The following ZRSR2 variants were observed in gnomAD, a reference collection of about 807,000 sequenced individuals.
ZRSR2 encodes U2 small nuclear ribonucleoprotein auxiliary factor 35 kDa subunit-related protein 2.
A neutral mutation model predicts 39.4 loss-of-function variants in ZRSR2; 3 were observed. The ratio of observed to expected loss-of-function variants is 0.08; its 90% confidence interval spans 0.03 to 0.20. ZRSR2 has a LOEUF of 0.20. ZRSR2 is among the 10% of genes least tolerant of loss of function. The probability of loss-of-function intolerance (pLI) is 1.00; values close to 1 mark genes in which losing one functional copy is unlikely to be tolerated. For synonymous variants in ZRSR2, 137 were observed against 136.0 expected (o/e 1.01, Z -0.05); for missense variants, 256 against 391.5 (o/e 0.65, Z 2.92).
intron 6 of ZRSR2, among the ~76,000 whole-genome samples, chrX:15,808,624 CTT>C (rs776535835): frequency 4.2e-5 from 4 of 94,880 alleles, no homozygotes; most frequent in Admixed American, 1.1e-4. Flanking sequence ...CTCTTTTTTT[CTT>C]TTTTTTTTTT....
chrX:15,798,092 T>TC (rs1240495465), intron 2 of ZRSR2, among the ~76,000 whole-genome samples: 1 of 112,678 alleles, frequency 8.9e-6, no homozygotes, highest in Non-Finnish European at 1.9e-5. Flanking sequence ...CCATTTTAAT[T>TC]CCAGCTGCTG....
At chrX:15,790,659 T>C in intron 1 of ZRSR2, 123 bp downstream of exon 1, 1 of 978,245 alleles carries the variant, frequency 1.0e-6, no homozygotes, top group Non-Finnish European at 1.4e-6. Context: ...CTCCATTCCT[T>C]CCTGGTGCGC....
At chrX:15,818,199 T>G (rs774617434) in intron 8 of ZRSR2, among the ~76,000 whole-genome samples, 1 of 112,610 alleles carries the variant, frequency 8.9e-6, no homozygotes, top group Non-Finnish European at 1.9e-5. Flanking sequence ...TTCACCTATG[T>G]GATGGAGGAG....
At chrX:15,816,440 T>A (rs887726556) in intron 8 of ZRSR2, among the ~76,000 whole-genome samples, 1 of 112,250 alleles carries the variant, frequency 8.9e-6, no homozygotes, top group African/African-American at 3.2e-5. Flanking sequence ...TTTTTTACAC[T>A]GTTTTTATTC....
At chrX:15,815,615 T>A (rs1188548401) in intron 7 of ZRSR2, 62 bp from the exon 8 acceptor site, 2 of 1,010,009 alleles carry the variant, frequency 2.0e-6, no homozygotes, top group African/African-American at 3.8e-5. Flanking sequence ...TCTAAAGCAG[T>A]TGTTTTGTGA....
At chrX:15,807,137 A>G (rs1932798153) in intron 5 of ZRSR2, among the ~76,000 whole-genome samples, 2 of 112,111 alleles carry the variant, frequency 1.8e-5, no homozygotes, top group African/African-American at 6.5e-5. Context: ...AATTAGGTAG[A>G]AATTTACTGG....
At chrX:15,816,216 A>T (rs1258667009) in intron 8 of ZRSR2, among the ~76,000 whole-genome samples, 1 of 112,075 alleles carries the variant, frequency 8.9e-6, no homozygotes, top group Non-Finnish European at 1.9e-5. Context: ...ATAGCCATCC[A>T]GTCCTTCACT....
chrX:15,791,433 TTA>T (rs1190263867), intron 2 of ZRSR2, among the ~76,000 whole-genome samples: 1 of 111,557 alleles, frequency 9.0e-6, no homozygotes, highest in Non-Finnish European at 1.9e-5. Context: ...ACCCAAATTA[TTA>T]TGTTATTCAA....
intron 7 of ZRSR2, among the ~76,000 whole-genome samples, chrX:15,814,732 G>T (rs1301091582): frequency 9.0e-6 from 1 of 111,654 alleles, no homozygotes; most frequent in Non-Finnish European, 1.9e-5. Flanking sequence ...TGACTGACTT[G>T]GGCAAGTGTG....
At chrX:15,809,143 C>T in intron 6 of ZRSR2, 57 bp from the exon 7 acceptor site, 1 of 806,484 alleles carries the variant, frequency 1.2e-6, no homozygotes, top group South Asian at 2.1e-5. Flanking sequence ...TACTTTGAAA[C>T]ATTTCGTCTT....
intron 1 of ZRSR2, 105 bp downstream of exon 1, chrX:15,790,641 C>T: frequency 3.8e-6 from 4 of 1,040,310 alleles, no homozygotes; most frequent in Middle Eastern, 2.6e-4. Flanking sequence ...AGTGAGCCAC[C>T]GCGGCAGCTC....
At chrX:15,794,137 G>A (rs754541163) in intron 2 of ZRSR2, among the ~76,000 whole-genome samples, 1 of 111,948 alleles carries the variant, frequency 8.9e-6, no homozygotes, top group East Asian at 2.8e-4. Flanking sequence ...TGAAATGCTT[G>A]CGTTGTATTT....
chrX:15,797,310 A>G, intron 2 of ZRSR2, among the ~76,000 whole-genome samples: 1 of 105,708 alleles, frequency 9.5e-6, no homozygotes, highest in African/African-American at 3.5e-5. Flanking sequence ...TCCCGGGTTC[A>G]AGCAATTCTC....
At chrX:15,804,364 C>A (rs748197562) in intron 5 of ZRSR2, 167 bp downstream of exon 5, 1 of 485,585 alleles carries the variant, frequency 2.1e-6, no homozygotes, top group East Asian at 1.9e-4. Flanking sequence ...TGATGCTCTT[C>A]TTCGGGTCCG....
intron 2 of ZRSR2, 98 bp from the exon 3 acceptor site, chrX:15,799,774 C>T: frequency 1.9e-6 from 1 of 513,993 alleles, no homozygotes; most frequent in Non-Finnish European, 3.1e-6. Flanking sequence ...AAGATTTTTA[C>T]CATAATTTTA....
At position 15,815,262 on chromosome X, in the gene ZRSR2, G is replaced by A. The variant is rs775640726; in HGVS notation, c.558-415G>A. Among the ~76,000 whole-genome samples the A allele has an allele frequency of 8.0e-5, 9 of 112,757 alleles. No individual in the cohort carries two copies. The Admixed American group carries it at 8.4e-4, about 11-fold the overall frequency. On this transcript the variant is annotated intron_variant, in intron 7 of 10. Coordinates refer to ENST00000307771, the MANE Select transcript of ZRSR2 (RefSeq NM_005089.4). ...TTAAGTCAAAACAACTAAATTACATGAGTTTCTATCTCAAAATTTAAAGCA... is the reference window on the plus strand; with the variant it reads ...TTAAGTCAAAACAACTAAATTACATAAGTTTCTATCTCAAAATTTAAAGCA...
At chrX:15,791,767 C>T (rs1932288623) in intron 2 of ZRSR2, among the ~76,000 whole-genome samples, 1 of 109,051 alleles carries the variant, frequency 9.2e-6, no homozygotes, top group Non-Finnish European at 1.9e-5. Flanking sequence ...AGCAGTTCTC[C>T]TGCTGCAGCC....
chrX:15,804,200 G>T lies in ZRSR2; in HGVS notation c.399+3G>T. On this transcript the variant is annotated splice_donor_region_variant and intron_variant, in intron 5 of 10. Coordinates refer to ENST00000307771, the MANE Select transcript of ZRSR2 (RefSeq NM_005089.4). ...GACAGGAGAAGAAAGAAAAAGAGGT[G>T]ATTCCTGTCATGGGATGTGCTGTGT... is the stretch of plus-strand genomic sequence containing the variant. The T allele has an allele frequency of 8.4e-7, 1 of 1,190,450 alleles. No individual in the cohort carries two copies. Among genetic ancestry groups the T allele is most frequent in the Non-Finnish European group, 1.1e-6 (1 of 887,878 alleles).
At chrX:15,815,451 G>A (rs112905573) in intron 7 of ZRSR2, among the ~76,000 whole-genome samples, 3 of 112,001 alleles carry the variant, frequency 2.7e-5, no homozygotes, top group African/African-American at 9.7e-5. Flanking sequence ...CACTACAGGC[G>A]CACGCCAACA....
Sources: gnomAD v4.1 joint callset for allele counts (sites outside exome capture counted in the v4.1 genomes callset) on GRCh38, gnomAD v4.1.1 for gene constraint, MANE v1.5 for transcripts, NCBI Gene and HGNC (gene_info 2026-07-23, HGNC 2026-07-21) for gene names.